Variants in CEP15 observed in about 807,000 individuals in gnomAD.
The protein encoded by CEP15 is centrosomal protein 15 kDa.
chr3:62,333,661 G>A, the CEP15 span: 1 of 245,532 alleles, frequency 4.1e-6, no homozygotes, highest in Non-Finnish European at 7.7e-6. The surrounding 1 kb of genome is among the most constrained non-coding windows in gnomAD (Gnocchi z 4.0). Context: ...TGTCAGTGTT[G>A]TGAGTGTGTT....
At chr3:62,321,196 A>G in the CEP15 span, among the ~76,000 whole-genome samples, 12 of 152,288 alleles carry the variant, frequency 7.9e-5, no homozygotes, top group African/African-American at 2.2e-4. This position sits in a 1 kb window ranked among gnomAD's most constrained non-coding sequence, Gnocchi z 4.1. Flanking sequence ...GTATCTTTTA[A>G]TCATCTTACA....
At chr3:62,333,445 A>G in the CEP15 span, 1 of 1,558,142 alleles carries the variant, frequency 6.4e-7, no homozygotes, top group Admixed American at 1.9e-5. The surrounding 1 kb of genome is among the most constrained non-coding windows in gnomAD (Gnocchi z 4.0). Context: ...GTTAAGGTGT[A>G]TGTAGGTTAT....
At chr3:62,333,122 C>G in the CEP15 span, 1 of 747,200 alleles carries the variant, frequency 1.3e-6, no homozygotes, top group Non-Finnish European at 2.0e-6. This position sits in a 1 kb window ranked among gnomAD's most constrained non-coding sequence, Gnocchi z 4.0. Context: ...GAAATGCATT[C>G]TACATATATG....
chr3:62,326,328 A>C, the CEP15 span, among the ~76,000 whole-genome samples: 2 of 152,224 alleles, frequency 1.3e-5, no homozygotes, highest in Non-Finnish European at 2.9e-5. Flanking sequence ...ACATTGTACC[A>C]ATGACCCTGT....
the CEP15 span, chr3:62,333,894 A>AT: frequency 6.6e-6 from 1 of 152,224 alleles, no homozygotes; most frequent in Non-Finnish European, 1.5e-5. The surrounding 1 kb of genome is among the most constrained non-coding windows in gnomAD (Gnocchi z 4.0). Context: ...AATTCATAGG[A>AT]TTTTGTCCCT....
chr3:62,323,241 T>G, the CEP15 span, among the ~76,000 whole-genome samples: 1 of 152,146 alleles, frequency 6.6e-6, no homozygotes, highest in Non-Finnish European at 1.5e-5. Context: ...CCAGAAACTT[T>G]GTGTGATCAA....
the CEP15 span, chr3:62,322,218 A>G: frequency 3.2e-6 from 2 of 624,588 alleles, no homozygotes; most frequent in Non-Finnish European, 5.3e-6. This position sits in a 1 kb window ranked among gnomAD's most constrained non-coding sequence, Gnocchi z 5.5. Context: ...TAAGTAGCAT[A>G]TGTATCCTCA....
the CEP15 span, among the ~76,000 whole-genome samples, chr3:62,323,095 T>C: frequency 1.3e-5 from 2 of 152,316 alleles, no homozygotes; most frequent in South Asian, 2.1e-4. Context: ...TGATATGATA[T>C]TTGGTTTTCA....
the CEP15 span, among the ~76,000 whole-genome samples, chr3:62,327,735 A>G: frequency 6.6e-6 from 1 of 152,208 alleles, no homozygotes; most frequent in Admixed American, 6.5e-5. Flanking sequence ...CATACAGTTC[A>G]TGTAGGAAAA....
At chr3:62,333,392 T>C in the CEP15 span, 4 of 1,608,106 alleles carry the variant, frequency 2.5e-6, no homozygotes, top group African/African-American at 4.0e-5. The surrounding 1 kb of genome is among the most constrained non-coding windows in gnomAD (Gnocchi z 4.0). Context: ...AGCGATAACT[T>C]CTTCACATGC....
At chr3:62,333,389 ACTT>A in the CEP15 span, 1 of 1,608,706 alleles carries the variant, frequency 6.2e-7, no homozygotes, top group Non-Finnish European at 8.5e-7. The surrounding 1 kb of genome is among the most constrained non-coding windows in gnomAD (Gnocchi z 4.0). Flanking sequence ...CACAGCGATA[ACTT>A]CTTCACATGC....
At chr3:62,321,701 A>G in the CEP15 span, among the ~76,000 whole-genome samples, 1 of 152,198 alleles carries the variant, frequency 6.6e-6, no homozygotes, top group Non-Finnish European at 1.5e-5. The surrounding 1 kb of genome is among the most constrained non-coding windows in gnomAD (Gnocchi z 4.1). Flanking sequence ...TATGGCATAT[A>G]TAAAGAATAT....
chr3:62,320,496 A>G, the CEP15 span: 23 of 1,612,366 alleles, frequency 1.4e-5, no homozygotes, highest in Non-Finnish European at 1.9e-5. Flanking sequence ...TGCTCAAGAA[A>G]TTCGCCTTTC....
At chr3:62,336,210 ATTATT>A in the CEP15 span, 6 of 152,082 alleles carry the variant, frequency 3.9e-5, no homozygotes, top group South Asian at 2.1e-4. The surrounding 1 kb of genome is among the most constrained non-coding windows in gnomAD (Gnocchi z 4.4). Flanking sequence ...TTATTTTGAG[ATTATT>A]TTGTCACTTC....
At chr3:62,335,973 A>C in the CEP15 span, 1 of 152,174 alleles carries the variant, frequency 6.6e-6, no homozygotes, top group Non-Finnish European at 1.5e-5. Flanking sequence ...TCTGGAAACC[A>C]GACATCTGGT....
chr3:62,332,205 C>G, the CEP15 span, among the ~76,000 whole-genome samples: 2 of 152,084 alleles, frequency 1.3e-5, no homozygotes, highest in African/African-American at 4.8e-5. Flanking sequence ...GGGAGTTACT[C>G]CAGCTGTGAA....
chr3:62,333,224 T>A, the CEP15 span: 2 of 1,603,108 alleles, frequency 1.2e-6, no homozygotes, highest in Non-Finnish European at 1.7e-6. The surrounding 1 kb of genome is among the most constrained non-coding windows in gnomAD (Gnocchi z 4.0). Flanking sequence ...TTGCTTGATA[T>A]GCTTTTTTAC....
chr3:62,328,417 A>G, the CEP15 span, among the ~76,000 whole-genome samples: 1 of 152,200 alleles, frequency 6.6e-6, no homozygotes, highest in African/African-American at 2.4e-5. Context: ...TGTCCAGTCA[A>G]TACTGTGTTC....
At chr3:62,320,693 G>T in the CEP15 span, among the ~76,000 whole-genome samples, 1 of 152,164 alleles carries the variant, frequency 6.6e-6, no homozygotes, top group Non-Finnish European at 1.5e-5. Flanking sequence ...GAATAAGCAA[G>T]ATTAAAAGGT....
Sources: allele counts gnomAD v4.1 joint callset (sites outside exome capture counted in the v4.1 genomes callset), GRCh38; gene constraint gnomAD v4.1.1; non-coding constraint Gnocchi (gnomAD v3.1); transcripts MANE v1.5; gene names NCBI Gene and HGNC (gene_info 2026-07-23, HGNC 2026-07-21).